RASGRF2: variants seen among roughly 807,000 people sequenced by gnomAD.
RASGRF2 encodes the protein ras-specific guanine nucleotide-releasing factor 2.
In RASGRF2, 76 loss-of-function variants were observed where a neutral mutation model predicts 151.0. That is an observed-to-expected ratio of 0.50 (90% CI 0.42 to 0.61). RASGRF2 has a LOEUF of 0.61. Among genes scored for constraint, RASGRF2 ranks in the 20% least tolerant of loss-of-function variants. The probability of loss-of-function intolerance (pLI) is 0.00; values close to 1 mark genes in which losing one functional copy is unlikely to be tolerated. For missense variants in RASGRF2, 1,148 were observed against 1,564.6 expected, an observed-to-expected ratio of 0.73 and a Z score of 4.49; for synonymous variants, 504 against 566.5, an observed-to-expected ratio of 0.89 and a Z score of 1.57.
intron 1 of RASGRF2, among the ~76,000 whole-genome samples, chr5:80,989,940 T>C (rs1052163479): frequency 1.3e-5 from 2 of 152,172 alleles, no homozygotes; most frequent in South Asian, 4.1e-4. Flanking sequence ...TTCAGACCAC[T>C]ATTGTTTGTC....
chr5:81,153,351 A>G (rs907185579), intron 17 of RASGRF2, among the ~76,000 whole-genome samples: 1 of 152,264 alleles, frequency 6.6e-6, no homozygotes, highest in Admixed American at 6.5e-5. Flanking sequence ...AAGGATCTCT[A>G]AAAGTGGAAG....
intron 9 of RASGRF2, 133 bp downstream of exon 9, chr5:81,087,086 G>C: frequency 1.2e-6 from 1 of 831,818 alleles, no homozygotes; most frequent in Non-Finnish European, 2.0e-6. Flanking sequence ...GGCCTTCGCC[G>C]AGGCGGTGGT....
At chr5:81,175,024 G>C (rs1207859784) in intron 17 of RASGRF2, among the ~76,000 whole-genome samples, 2 of 152,238 alleles carry the variant, frequency 1.3e-5, no homozygotes, top group African/African-American at 4.8e-5. Context: ...TGGCACAGGG[G>C]TGTAATTAAG....
At chr5:81,056,175 G>C (rs188681182) in intron 2 of RASGRF2, among the ~76,000 whole-genome samples, 174 of 152,206 alleles carry the variant, frequency 1.1e-3, no homozygotes, top group Middle Eastern at 6.8e-3. Context: ...GCTGGCTTTT[G>C]AATGTGTTTG....
At chr5:81,049,676 A>G (rs1045973410) in intron 2 of RASGRF2, among the ~76,000 whole-genome samples, 1 of 152,114 alleles carries the variant, frequency 6.6e-6, no homozygotes, top group Non-Finnish European at 1.5e-5. Context: ...TCTCTGCTAA[A>G]TACCATGCTA....
chr5:80,995,389 TATATATATATACAC>T (rs1748810563), intron 1 of RASGRF2, among the ~76,000 whole-genome samples: 1 of 56,276 alleles, frequency 1.8e-5, no homozygotes, highest in Non-Finnish European at 4.2e-5. Context: ...CATATATATA[TATATATATATACAC>T]ACACACACAC....
At chr5:81,205,729 T>C (rs988317377) in intron 19 of RASGRF2, among the ~76,000 whole-genome samples, 1 of 152,178 alleles carries the variant, frequency 6.6e-6, no homozygotes, top group African/African-American at 2.4e-5. Context: ...TGGGACCGTT[T>C]AACTATTTTA....
chr5:81,189,648 T>C lies in RASGRF2; in HGVS notation c.2793+9367T>C, dbSNP rs954128739. Among the ~76,000 whole-genome samples the C allele has an allele frequency of 7.9e-5, 12 of 151,696 alleles. No individual in the cohort carries two copies. The East Asian group carries it at 2.3e-3, about 29-fold the overall frequency. ...TGCTGGGATTACGGGCATGAGCCAC[T>C]GTGCCTAGCCACAGATAATTTTATA... On this transcript the variant is annotated intron_variant, in intron 18 of 26. Coordinates refer to ENST00000265080, the MANE Select transcript of RASGRF2 (RefSeq NM_006909.3).
At chr5:80,997,051 T>G (rs1748908231) in intron 1 of RASGRF2, 1 of 152,208 alleles carries the variant, frequency 6.6e-6, no homozygotes, top group Non-Finnish European at 1.5e-5. Context: ...CAGCCAATAT[T>G]ACAAAAACAA....
chr5:81,159,062 GGATA>G (rs1226019180), intron 17 of RASGRF2, among the ~76,000 whole-genome samples: 2 of 152,052 alleles, frequency 1.3e-5, no homozygotes, highest in African/African-American at 2.4e-5. Context: ...GCAAATGAAT[GGATA>G]GTCAAATGTG....
At chr5:80,990,959 G>A (rs1748630289) in intron 1 of RASGRF2, among the ~76,000 whole-genome samples, 1 of 152,160 alleles carries the variant, frequency 6.6e-6, no homozygotes, top group Non-Finnish European at 1.5e-5. Context: ...ACTAGAGCAG[G>A]AAAGTTATTT....
Position 81,217,352 on chromosome 5 carries a change from G to A in RASGRF2, c.3435-4G>A, listed in dbSNP as rs1449862819. 6.3e-7 allele frequency: 1 copy of A among 1,598,252 alleles called. No homozygotes were observed. Among genetic ancestry groups the A allele is most frequent in the African/African-American group, 1.4e-5 (1 of 73,994 alleles). ...TCTCAGAACAGTGCCTCTTGGTCTT[G>A]CAGTTGTAACCCTCCTGCAGTTCCT... On this transcript the variant is annotated splice_region_variant and splice_polypyrimidine_tract_variant and intron_variant, in intron 24 of 26. Transcript: ENST00000265080.
chr5:81,165,013 C>A (rs1754472951), intron 17 of RASGRF2, among the ~76,000 whole-genome samples: 1 of 152,232 alleles, frequency 6.6e-6, no homozygotes, highest in African/African-American at 2.4e-5. Context: ...ACAGGCGGAG[C>A]CAATCCGCAG....
intron 1 of RASGRF2, among the ~76,000 whole-genome samples, chr5:81,027,119 C>A (rs765440522): frequency 3.9e-5 from 6 of 152,124 alleles, no homozygotes; most frequent in Non-Finnish European, 8.8e-5. Context: ...GCTTGTGAAA[C>A]CATCACCACC....
chr5:81,116,988 T>C (rs1321901324), intron 15 of RASGRF2, among the ~76,000 whole-genome samples: 1 of 152,222 alleles, frequency 6.6e-6, no homozygotes, highest in African/African-American at 2.4e-5. Context: ...TGAATAACGG[T>C]GCAATGAATA....
intron 17 of RASGRF2, among the ~76,000 whole-genome samples, chr5:81,161,522 A>G (rs1178669930): frequency 2.0e-5 from 3 of 152,206 alleles, no homozygotes; most frequent in African/African-American, 7.2e-5. Context: ...ACCTCACTGT[A>G]TGATTGAGAT....
At chr5:81,207,655 C>T (rs558865160) in intron 21 of RASGRF2, among the ~76,000 whole-genome samples, 168 of 152,324 alleles carry the variant, frequency 1.1e-3, no homozygotes, top group African/African-American at 3.8e-3. Flanking sequence ...CTCACTTGTC[C>T]CTTGTTTCTT....
At chr5:81,046,700 T>A (rs1308343997) in intron 2 of RASGRF2, among the ~76,000 whole-genome samples, 1 of 152,210 alleles carries the variant, frequency 6.6e-6, no homozygotes, top group Admixed American at 6.5e-5. Context: ...CTTCTTTGTT[T>A]TCTTGTCCAT....
chr5:81,180,940 G>A (rs922314500), intron 18 of RASGRF2, among the ~76,000 whole-genome samples: 2 of 152,090 alleles, frequency 1.3e-5, no homozygotes. Flanking sequence ...CCCCCCTGAT[G>A]TGATGCATGC....
Sources: gnomAD v4.1 joint callset for allele counts (sites outside exome capture counted in the v4.1 genomes callset) on GRCh38, gnomAD v4.1.1 for gene constraint, MANE v1.5 for transcripts, NCBI Gene and HGNC (gene_info 2026-07-23, HGNC 2026-07-21) for gene names.